Variants in MRNIP observed in about 807,000 individuals in gnomAD.
MRNIP encodes MRN complex interacting protein, also known as MRN complex-interacting protein.
Under a neutral mutation model 29.8 loss-of-function variants are expected in MRNIP, and 30 were observed. That is an observed-to-expected ratio of 1.01 (90% CI 0.75 to 1.36). The LOEUF (loss-of-function observed/expected upper bound fraction) is 1.36. Ranked by LOEUF, MRNIP falls within the 40% of genes most tolerant of loss-of-function variation. The pLI is 0.00. For missense variants in MRNIP, 459 were observed against 423.5 expected, an observed-to-expected ratio of 1.08 and a Z score of -0.74; for synonymous variants, 201 against 164.1, an observed-to-expected ratio of 1.23 and a Z score of -1.72.
chr5:179,849,203 G>A (rs1301241686), intron 2 of MRNIP, among the ~76,000 whole-genome samples: 4 of 147,360 alleles, frequency 2.7e-5, no homozygotes, highest in Non-Finnish European at 6.0e-5. Context: ...GGTACGAGAC[G>A]GAATTTGAGA....
intron 4 of MRNIP, among the ~76,000 whole-genome samples, 151 bp downstream of exon 4, chr5:179,843,997 GTTTA>G (rs1759020724): frequency 1.3e-5 from 2 of 152,296 alleles, no homozygotes; most frequent in African/African-American, 4.8e-5. Context: ...AAAGGTACAG[GTTTA>G]TTTATTTTTG....
chr5:179,849,238 C>T (rs897507633), intron 2 of MRNIP, among the ~76,000 whole-genome samples: 4 of 143,702 alleles, frequency 2.8e-5, no homozygotes, highest in Non-Finnish European at 4.6e-5. Flanking sequence ...ATGGCACAGG[C>T]AGATGGTACA....
At chr5:179,838,905 G>A (rs1314064144) in intron 6 of MRNIP, 1 of 151,956 alleles carries the variant, frequency 6.6e-6, no homozygotes, top group Non-Finnish European at 1.5e-5. Flanking sequence ...GCTGCTATGA[G>A]GTGTGATTGT....
intron 1 of MRNIP, 86 bp downstream of exon 1, chr5:179,858,645 C>T: frequency 1.1e-6 from 1 of 874,106 alleles, no homozygotes; most frequent in Admixed American, 2.7e-5. Context: ...ATCCCGGAGC[C>T]ATTCGAGACA....
intron 4 of MRNIP, among the ~76,000 whole-genome samples, chr5:179,843,079 GAGGCAGGCAAGC>G (rs1307039523): frequency 1.2e-4 from 16 of 137,038 alleles, no homozygotes; most frequent in Non-Finnish European, 1.6e-4. Flanking sequence ...GGGAGGGAGG[GAGGCAGGCAAGC>G]AGGCAAGCAG....
At chr5:179,848,970 G>C (rs1759241482) in intron 2 of MRNIP, among the ~76,000 whole-genome samples, 1 of 151,950 alleles carries the variant, frequency 6.6e-6, no homozygotes, top group African/African-American at 2.4e-5. Flanking sequence ...GAGAGCATGG[G>C]TCCTGCTATG....
intron 2 of MRNIP, among the ~76,000 whole-genome samples, chr5:179,852,453 G>A (rs1335014603): frequency 6.6e-6 from 1 of 152,086 alleles, no homozygotes; most frequent in African/African-American, 2.4e-5. Context: ...AACAAGGTTG[G>A]GCCAGTTCCT....
chr5:179,842,759 G>C (rs1024731852), intron 4 of MRNIP, among the ~76,000 whole-genome samples: 2 of 147,384 alleles, frequency 1.4e-5, no homozygotes, highest in African/African-American at 5.1e-5. Flanking sequence ...ATGGCCAGGC[G>C]CGGTGGCTCA....
intron 1 of MRNIP, among the ~76,000 whole-genome samples, chr5:179,857,832 G>A (rs1280147360): frequency 6.6e-6 from 1 of 152,078 alleles, no homozygotes; most frequent in Non-Finnish European, 1.5e-5. Context: ...GACCAACATG[G>A]AGAAACCCTG....
chr5:179,837,353 A>G lies in MRNIP; in HGVS notation c.*38T>C. On this transcript the variant is annotated 3_prime_UTR_variant, in exon 7 of 7. Coordinates refer to ENST00000292586, the MANE Select transcript of MRNIP (RefSeq NM_016175.4). ...GCCTTAGGGGAACCCTGTCCCTCCTAACAAGTGTATCTCGATTAATAACCT... is the reference window on the plus strand; with the variant it reads ...GCCTTAGGGGAACCCTGTCCCTCCTGACAAGTGTATCTCGATTAATAACCT... The G allele has an allele frequency of 1.9e-6, 3 of 1,583,144 alleles. No homozygotes were observed. The highest frequency in any genetic ancestry group is 2.6e-6 in the Non-Finnish European group (3 of 1,164,232).
chr5:179,842,878 C>G (rs1477007836), intron 4 of MRNIP, among the ~76,000 whole-genome samples: 3 of 146,776 alleles, frequency 2.0e-5, no homozygotes, highest in Admixed American at 2.0e-4. Flanking sequence ...ACTAAAAATA[C>G]AAAAATTAGC....
At chr5:179,853,509 G>T in intron 1 of MRNIP, 72 bp from the exon 2 acceptor site, 2 of 1,276,946 alleles carry the variant, frequency 1.6e-6, no homozygotes, top group Non-Finnish European at 2.2e-6. Context: ...GGACTCGGTG[G>T]CTCATGCCTG....
chr5:179,851,257 CCT>C (rs769387919), intron 2 of MRNIP: 1 of 455,994 alleles, frequency 2.2e-6, no homozygotes, highest in African/African-American at 2.0e-5. Flanking sequence ...TAAGCCAGCC[CCT>C]CTCTTCTGAG....
At chr5:179,853,322 TGGAA>T in intron 2 of MRNIP, 52 bp downstream of exon 2, 1 of 1,605,636 alleles carries the variant, frequency 6.2e-7, no homozygotes, top group Non-Finnish European at 8.5e-7. Flanking sequence ...TGGGACTCCC[TGGAA>T]GGGCTCGCTG....
intron 1 of MRNIP, among the ~76,000 whole-genome samples, chr5:179,853,927 T>G (rs111666724): frequency 0.15 from 22,911 of 151,736 alleles, 4,356 homozygotes; most frequent in African/African-American, 0.45. Context: ...GACCAGGCTG[T>G]TCTCAAACTC....
chr5:179,852,227 A>C (rs528191918), intron 2 of MRNIP, among the ~76,000 whole-genome samples: 63 of 151,498 alleles, frequency 4.2e-4, no homozygotes, highest in African/African-American at 1.4e-3. Context: ...CGAAGGTTGC[A>C]GTGAGCCGAG....
intron 2 of MRNIP, among the ~76,000 whole-genome samples, chr5:179,852,527 C>T (rs781696837): frequency 2.0e-5 from 3 of 152,148 alleles, no homozygotes; most frequent in African/African-American, 7.2e-5. Flanking sequence ...AATAAAAAGC[C>T]TCTGTTCTCA....
intron 3 of MRNIP, chr5:179,847,750 T>C (rs1272387833): frequency 1.9e-5 from 9 of 469,710 alleles, no homozygotes; most frequent in African/African-American, 8.0e-5. Flanking sequence ...TCATCACAGG[T>C]AATCAGGTGA....
chr5:179,841,903 G>A lies in MRNIP; in HGVS notation c.449+4C>T. On this transcript the variant is annotated splice_donor_region_variant and intron_variant, in intron 5 of 6. Transcript: ENST00000292586. ...CAGGGCTGGAACGGAGACGCACTTG[G>A]TACCTTTTTCTAGGCAGGTCTTGAC... 1.2e-6 allele frequency: 2 copies of A among 1,613,416 alleles called. No individual in the cohort carries two copies. Among genetic ancestry groups the A allele is most frequent in the Non-Finnish European group, 1.7e-6 (2 of 1,179,938 alleles).
Sources: gnomAD v4.1 joint callset for allele counts (sites outside exome capture counted in the v4.1 genomes callset) on GRCh38, gnomAD v4.1.1 for gene constraint, MANE v1.5 for transcripts, NCBI Gene and HGNC (gene_info 2026-07-23, HGNC 2026-07-21) for gene names.